The following CDC42BPA variants were observed in gnomAD, a reference collection of about 807,000 sequenced individuals.
CDC42BPA encodes CDC42 binding protein kinase alpha, also known as serine/threonine-protein kinase MRCK alpha.
CDC42BPA carries 80 observed loss-of-function variants against 223.5 expected under a neutral mutation model. That is an observed-to-expected ratio of 0.36 (90% CI 0.30 to 0.43). The LOEUF (loss-of-function observed/expected upper bound fraction) is 0.43. Among genes scored for constraint, CDC42BPA ranks in the 20% least tolerant of loss-of-function variants. The pLI, the probability that CDC42BPA is intolerant of heterozygous loss-of-function variation, is 1.00. For missense variants in CDC42BPA, 1,743 were observed against 2,099.9 expected, an observed-to-expected ratio of 0.83 and a Z score of 3.32; for synonymous variants, 694 against 718.6, an observed-to-expected ratio of 0.97 and a Z score of 0.55.
chr1:227,134,378 TTAAA>T (rs1445569095), intron 10 of CDC42BPA, among the ~76,000 whole-genome samples: 2 of 152,222 alleles, frequency 1.3e-5, no homozygotes, highest in Non-Finnish European at 1.5e-5. Flanking sequence ...ATTACTGAAC[TTAAA>T]TAACTTGGAA....
At chr1:227,193,379 G>T (rs1343631272) in intron 5 of CDC42BPA, among the ~76,000 whole-genome samples, 3 of 151,638 alleles carry the variant, frequency 2.0e-5, no homozygotes, top group African/African-American at 7.3e-5. Flanking sequence ...TTTTTTCATA[G>T]ATTTAGGGGG....
At position 227,145,732 on chromosome 1, in the gene CDC42BPA, C is replaced by T. The variant is rs1177247872; in HGVS notation, c.900G>A (p.Arg300=). Residue 300 remains arginine, a synonymous_variant, in exon 8 of 37, where the codon AGG becomes AGA. Coordinates refer to ENST00000366766, the MANE Select transcript of CDC42BPA (RefSeq NM_001394014.1). ...CAGTCACTTGGGCTGGAAACTGAAA[C>T]CTCTCCTAAACAGAGAAAAACAGAA... is the stretch of plus-strand genomic sequence containing the variant. ...TYGKIMNHKE[R]FQFPAQVTDV... 2 of 1,612,694 alleles carry T rather than the reference C, an allele frequency of 1.2e-6. No individual in the cohort carries two copies. The highest frequency in any genetic ancestry group is 1.7e-6 in the Non-Finnish European group (2 of 1,179,202).
chr1:227,005,242 G>A (rs1663768558), intron 34 of CDC42BPA, 131 bp from the exon 35 acceptor site: 1 of 671,852 alleles, frequency 1.5e-6, no homozygotes, highest in African/African-American at 1.8e-5. Context: ...GTAAGGAATG[G>A]CAGATTATAT....
chr1:227,259,475 C>A (rs768704363), intron 1 of CDC42BPA, among the ~76,000 whole-genome samples: 1 of 150,982 alleles, frequency 6.6e-6, no homozygotes, highest in Non-Finnish European at 1.5e-5. Context: ...TCCTTATTCC[C>A]GGTGTTCTGG....
At chr1:227,187,762 G>GA (rs975297511) in intron 5 of CDC42BPA, among the ~76,000 whole-genome samples, 9 of 129,836 alleles carry the variant, frequency 6.9e-5, no homozygotes, top group Non-Finnish European at 1.4e-4. Flanking sequence ...AAAAAACCCT[G>GA]AAAGAAGCCA....
chr1:227,012,407 G>A (rs1315229711), intron 34 of CDC42BPA, among the ~76,000 whole-genome samples: 2 of 151,992 alleles, frequency 1.3e-5, no homozygotes, highest in African/African-American at 2.4e-5. Flanking sequence ...TATTGTCTTG[G>A]CTCACTTAGA....
At chr1:227,061,937 T>C (rs1288782905) in intron 21 of CDC42BPA, among the ~76,000 whole-genome samples, 1 of 152,210 alleles carries the variant, frequency 6.6e-6, no homozygotes, top group Admixed American at 6.5e-5. Context: ...ATATTAAATA[T>C]CTGACTGTCT....
In CDC42BPA at chr1:227,193,773, A is replaced by T. The variant is rs1398823851; in HGVS notation, c.599+13T>A. 1 of 1,581,964 alleles carries T rather than the reference A, an allele frequency of 6.3e-7. No individual in the cohort carries two copies. Among genetic ancestry groups the T allele is most frequent in the African/African-American group, 1.4e-5 (1 of 73,876 alleles). On this transcript the variant is annotated intron_variant, in intron 5 of 36. Coordinates refer to ENST00000366766, the MANE Select transcript of CDC42BPA (RefSeq NM_001394014.1). ...GGTAACTCACAGCCAGGTACAATGA[A>T]GGACTGTTTTACCTGTGTACATAAT...
intron 21 of CDC42BPA, chr1:227,068,786 C>T: frequency 2.7e-6 from 1 of 365,456 alleles, no homozygotes; most frequent in Non-Finnish European, 4.5e-6. Flanking sequence ...CTTTGTAAAA[C>T]AATTGAAAGG....
Position 226,997,200 on chromosome 1 carries a change from C to T in CDC42BPA, c.4976-2220G>A, listed in dbSNP as rs189522151. On this transcript the variant is annotated intron_variant, in intron 35 of 36. Transcript: ENST00000366766. ...TTAGACTTGGGAAGGTGTATGTGTCCAGGAATTTATCCATTTCTTCTAGAT... is the reference window on the plus strand; with the variant it reads ...TTAGACTTGGGAAGGTGTATGTGTCTAGGAATTTATCCATTTCTTCTAGAT... Among the ~76,000 whole-genome samples, 915 of 152,218 alleles carry T rather than the reference C, an allele frequency of 6.0e-3. 10 individuals carry two copies. Among genetic ancestry groups the T allele is most frequent in the African/African-American group, 0.021 (861 of 41,518 alleles).
At chr1:227,152,788 TG>T (rs1446994166) in intron 6 of CDC42BPA, among the ~76,000 whole-genome samples, 1 of 151,680 alleles carries the variant, frequency 6.6e-6, no homozygotes, top group African/African-American at 2.4e-5. Context: ...AATGAACAAA[TG>T]GGAAAAACAT....
chr1:227,105,697 T>C (rs866108301), intron 14 of CDC42BPA, among the ~76,000 whole-genome samples: 3 of 152,300 alleles, frequency 2.0e-5, no homozygotes, highest in Non-Finnish European at 4.4e-5. Flanking sequence ...TGGAATCATA[T>C]AGTATTTGTC....
chr1:227,156,845 TGCA>T (rs57648372), intron 6 of CDC42BPA, among the ~76,000 whole-genome samples: 1,650 of 152,292 alleles, frequency 0.011, 33 homozygotes, highest in African/African-American at 0.037. Flanking sequence ...TATTTTTCCC[TGCA>T]GCTCTATCCT....
In CDC42BPA at chr1:227,246,388, C is replaced by A. The variant is rs1050253168; in HGVS notation, c.270+7676G>T. On this transcript the variant is annotated intron_variant, in intron 2 of 36. Coordinates refer to ENST00000366766, the MANE Select transcript of CDC42BPA (RefSeq NM_001394014.1). ...CACACCCGGGGCCTGGGGAAACTCA[C>A]CACCCTGAAGGGAAGGGCCTTGGGC... 3.6e-4 allele frequency among the ~76,000 whole-genome samples: 55 copies of A among 152,076 alleles called. 1 individual carries two copies. Among genetic ancestry groups the A allele is most frequent in the Admixed American group, 2.6e-3 (39 of 15,276 alleles).
At chr1:227,086,356 G>C (rs1223720377) in intron 16 of CDC42BPA, among the ~76,000 whole-genome samples, 2 of 152,166 alleles carry the variant, frequency 1.3e-5, no homozygotes, top group Admixed American at 6.5e-5. Flanking sequence ...GAATTGCCAG[G>C]TTGTATGGTA....
Position 226,991,961 on chromosome 1 carries a change from G to A in CDC42BPA, c.*2307C>T, listed in dbSNP as rs941520123. 3 of 142,168 alleles carry A rather than the reference G, an allele frequency of 2.1e-5. No homozygotes were observed. Among genetic ancestry groups the A allele is most frequent in the Non-Finnish European group, 4.6e-5 (3 of 65,306 alleles). 8.8% of individuals were successfully genotyped at this position (142,168 alleles called of 1,614,324 possible). ...AAGGGGAAAGGGAAGAGGAGGATGG[G>A]GAGGGTGGGGATGGGGAGGGTGGGA... On this transcript the variant is annotated 3_prime_UTR_variant, in exon 37 of 37. Transcript: ENST00000366766.
At chr1:227,028,355 C>A (rs1029637466) in intron 30 of CDC42BPA, among the ~76,000 whole-genome samples, 1 of 152,046 alleles carries the variant, frequency 6.6e-6, no homozygotes, top group African/African-American at 2.4e-5. Context: ...TTTTGGGGGA[C>A]CATGAGATAA....
At chr1:227,216,137 C>T (rs952605868) in intron 2 of CDC42BPA, among the ~76,000 whole-genome samples, 6 of 151,734 alleles carry the variant, frequency 4.0e-5, no homozygotes, top group Non-Finnish European at 7.4e-5. Context: ...TATATATACA[C>T]ACACACACAC....
chr1:227,062,812 G>A (rs1676194842), intron 21 of CDC42BPA, among the ~76,000 whole-genome samples: 2 of 149,246 alleles, frequency 1.3e-5, no homozygotes, highest in South Asian at 4.3e-4. Flanking sequence ...CATGTAAAAA[G>A]TGCTAAAATG....
Sources: allele counts gnomAD v4.1 joint callset (sites outside exome capture counted in the v4.1 genomes callset), GRCh38; gene constraint gnomAD v4.1.1; transcripts MANE v1.5; gene names NCBI Gene and HGNC (gene_info 2026-07-23, HGNC 2026-07-21).